The following CTNNA3 variants were observed in gnomAD, a reference collection of about 807,000 sequenced individuals.
The protein encoded by CTNNA3 is catenin alpha-3.
Under a neutral mutation model 95.7 loss-of-function variants are expected in CTNNA3, and 76 were observed. The observed-to-expected ratio is 0.79, with a 90% CI of 0.66 to 0.96. The LOEUF (loss-of-function observed/expected upper bound fraction) is 0.96, where lower values mean the gene tolerates loss of function less well. CTNNA3 is among the 40% of genes least tolerant of loss of function. The pLI is 0.00. For synonymous variants in CTNNA3, 431 were observed against 374.4 expected (o/e 1.15, Z -1.74); for missense variants, 1,191 against 1,089.8 (o/e 1.09, Z -1.31).
intron 7 of CTNNA3, among the ~76,000 whole-genome samples, chr10:67,153,164 C>T (rs535594328): frequency 9.9e-5 from 15 of 152,186 alleles, no homozygotes; most frequent in Non-Finnish European, 1.9e-4. Flanking sequence ...TTAGTAGAGA[C>T]GGGGTTTCAC....
intron 5 of CTNNA3, among the ~76,000 whole-genome samples, chr10:67,457,876 A>G (rs902355498): frequency 1.1e-4 from 17 of 152,134 alleles, no homozygotes; most frequent in African/African-American, 4.1e-4. Context: ...GGACCCACCC[A>G]GGTAATCCAG....
chr10:66,592,321 G>T (rs757728999), intron 10 of CTNNA3, among the ~76,000 whole-genome samples: 1 of 152,096 alleles, frequency 6.6e-6, no homozygotes, highest in African/African-American at 2.4e-5. Flanking sequence ...ATAAATGTCA[G>T]ATTATTTTCC....
chr10:65,971,825 T>C (rs773882524), intron 16 of CTNNA3, among the ~76,000 whole-genome samples: 2 of 151,910 alleles, frequency 1.3e-5, no homozygotes, highest in Non-Finnish European at 2.9e-5. Context: ...ACCAGCATCA[T>C]CCTGATAGGA....
intron 17 of CTNNA3, among the ~76,000 whole-genome samples, chr10:65,921,832 G>C (rs2077091131): frequency 6.6e-6 from 1 of 152,200 alleles, no homozygotes; most frequent in African/African-American, 2.4e-5. Flanking sequence ...TGAATTCAAA[G>C]ACCCCTGTTG....
At chr10:67,404,077 T>C (rs1173502761) in intron 5 of CTNNA3, among the ~76,000 whole-genome samples, 2 of 152,084 alleles carry the variant, frequency 1.3e-5, no homozygotes, top group African/African-American at 4.8e-5. Flanking sequence ...CAAAGGTAGA[T>C]AAGCCAACAA....
chr10:67,291,185 T>G (rs1839825078), intron 5 of CTNNA3, among the ~76,000 whole-genome samples: 2 of 151,996 alleles, frequency 1.3e-5, no homozygotes, highest in African/African-American at 4.8e-5. Flanking sequence ...AAGGAGAAAA[T>G]GAAATAACAT....
At chr10:67,117,347 G>C (rs1414058386) in intron 7 of CTNNA3, among the ~76,000 whole-genome samples, 1 of 151,882 alleles carries the variant, frequency 6.6e-6, no homozygotes, top group Non-Finnish European at 1.5e-5. Context: ...CTTCGCTGAT[G>C]AATAGGAATG....
intron 2 of CTNNA3, among the ~76,000 whole-genome samples, chr10:67,625,122 A>G (rs575646703): frequency 5.3e-5 from 8 of 152,164 alleles, no homozygotes; most frequent in Non-Finnish European, 1.0e-4. Context: ...ACCCGGAGGT[A>G]CCTAAGATAT....
intron 9 of CTNNA3, among the ~76,000 whole-genome samples, chr10:66,647,692 T>C (rs1339874437): frequency 6.6e-6 from 1 of 150,914 alleles, no homozygotes; most frequent in Non-Finnish European, 1.5e-5. Flanking sequence ...TTTTTTTTTT[T>C]GTATTTTTAG....
intron 11 of CTNNA3, among the ~76,000 whole-genome samples, chr10:66,390,114 G>A (rs546856248): frequency 2.0e-5 from 3 of 152,232 alleles, no homozygotes; most frequent in Admixed American, 1.3e-4. Flanking sequence ...AAAATTCAGT[G>A]AAAACAAAAT....
intron 17 of CTNNA3, among the ~76,000 whole-genome samples, chr10:65,944,707 T>C (rs1043930203): frequency 3.3e-5 from 5 of 152,142 alleles, no homozygotes; most frequent in African/African-American, 9.7e-5. Flanking sequence ...GAACTAAATA[T>C]TGACTCAGCA....
intron 13 of CTNNA3, among the ~76,000 whole-genome samples, chr10:66,263,249 T>G (rs922446956): frequency 6.6e-6 from 1 of 151,826 alleles, no homozygotes; most frequent in Middle Eastern, 3.2e-3. Flanking sequence ...AAGAAAATAT[T>G]TTCAGAAAGT....
intron 5 of CTNNA3, among the ~76,000 whole-genome samples, chr10:67,447,044 G>T (rs182186147): frequency 6.6e-6 from 1 of 152,204 alleles, no homozygotes; most frequent in Non-Finnish European, 1.5e-5. Context: ...GGCAGAGCTT[G>T]CAGTGAGCTG....
chr10:65,987,315 A>T (rs2078448508), intron 16 of CTNNA3, among the ~76,000 whole-genome samples: 1 of 151,896 alleles, frequency 6.6e-6, no homozygotes, highest in African/African-American at 2.4e-5. Flanking sequence ...AAAATACAGA[A>T]TACATAAGAC....
At chr10:67,651,800 C>A (rs1220992021) in intron 1 of CTNNA3, among the ~76,000 whole-genome samples, 2 of 152,086 alleles carry the variant, frequency 1.3e-5, no homozygotes, top group African/African-American at 4.8e-5. Context: ...ATGACTTGTT[C>A]GTGAAGAATT....
At chr10:67,544,222 G>A (rs956289525) in intron 3 of CTNNA3, among the ~76,000 whole-genome samples, 2 of 152,106 alleles carry the variant, frequency 1.3e-5, no homozygotes, top group Admixed American at 1.3e-4. Flanking sequence ...TTTGCTTCCA[G>A]TCAAGGGAGA....
intron 6 of CTNNA3, among the ~76,000 whole-genome samples, chr10:67,193,222 A>G (rs1044769939): frequency 6.6e-6 from 1 of 152,046 alleles, no homozygotes; most frequent in African/African-American, 2.4e-5. Context: ...GTTAATTAAT[A>G]TGATTGGGGT....
chr10:66,164,585 C>A (rs2133944283), intron 13 of CTNNA3, among the ~76,000 whole-genome samples: 1 of 151,730 alleles, frequency 6.6e-6, no homozygotes, highest in Non-Finnish European at 1.5e-5. Context: ...AAATTAACAA[C>A]ACAGAGTCTG....
At chr10:67,207,069 TGCAGTGAGCC>T (rs1429629179) in intron 6 of CTNNA3, among the ~76,000 whole-genome samples, 9 of 152,044 alleles carry the variant, frequency 5.9e-5, no homozygotes, top group African/African-American at 2.2e-4. Context: ...AGGCGGAGGT[TGCAGTGAGCC>T]GAGATCGCAC....
Sources: gnomAD v4.1 joint callset for allele counts (sites outside exome capture counted in the v4.1 genomes callset) on GRCh38, gnomAD v4.1.1 for gene constraint, MANE v1.5 for transcripts, NCBI Gene and HGNC (gene_info 2026-07-23, HGNC 2026-07-21) for gene names.